CUBN: variants seen among roughly 807,000 people sequenced by gnomAD.
The protein encoded by CUBN is cubilin.
Under a neutral mutation model 405.3 loss-of-function variants are expected in CUBN, and 282 were observed. The ratio of observed to expected loss-of-function variants is 0.70; its 90% confidence interval spans 0.63 to 0.77. The LOEUF is 0.77. Among genes scored for constraint, CUBN ranks in the 30% least tolerant of loss-of-function variants. The probability of loss-of-function intolerance (pLI) is 0.00; values close to 1 mark genes in which losing one functional copy is unlikely to be tolerated. For missense variants in CUBN, 4,514 were observed against 4,475.2 expected (o/e 1.01, Z -0.25); for synonymous variants, 1,684 against 1,617.0 (o/e 1.04, Z -0.99).
intron 29 of CUBN, among the ~76,000 whole-genome samples, chr10:16,989,873 C>T (rs929270660): frequency 1.3e-5 from 2 of 152,228 alleles, no homozygotes; most frequent in Admixed American, 6.5e-5. Context: ...CTCTATGCTC[C>T]GCCACACGAA....
intron 38 of CUBN, among the ~76,000 whole-genome samples, chr10:16,938,663 G>T (rs1165412449): frequency 1.3e-5 from 2 of 151,972 alleles, no homozygotes; most frequent in Non-Finnish European, 2.9e-5. Flanking sequence ...AAACAAAGAG[G>T]ATAGTAGGAA....
In CUBN at chr10:17,088,303, G is replaced by C; in HGVS notation, c.1808C>G (p.Ser603Cys). The C allele has an allele frequency of 6.2e-7, 1 of 1,613,416 alleles. No individual in the cohort carries two copies. Among genetic ancestry groups the C allele is most frequent in the Non-Finnish European group, 8.5e-7 (1 of 1,179,438 alleles). ...GGGATAGTTTCCAGGATACCCCGGA[G>C]ACTTAATAGAACCGTAAGGACCAGT... Reference protein sequence around the residue: ...ILTGPYGSIKSPGYPGNYPPG... With the variant: ...ILTGPYGSIKCPGYPGNYPPG... The change falls in exon 15 of 67, where the codon TCT (serine) becomes TGT (cysteine). Residue 603 changes from serine (S) to cysteine (C), a missense_variant. This residue lies in a region of CUBN where 1,448 missense variants were observed against 1,388.0 expected (regional missense o/e 1.04). Coordinates refer to ENST00000377833, the MANE Select transcript of CUBN (RefSeq NM_001081.4).
rs769989357 is a variant in CUBN at position 16,984,136 on chromosome 10, G to A, written c.4494C>T (p.Gly1498=). 1.9e-5 allele frequency: 30 copies of A among 1,614,102 alleles called. 1 individual carries two copies. In the South Asian group the frequency reaches 3.0e-4, roughly 16 times the overall value. The change falls in exon 30 of 67, where the codon GGC becomes GGT. Residue 1498 remains glycine, a synonymous_variant. Transcript: ENST00000377833. Reference sequence around the variant, plus strand: ...TGACTGCTTGCCATGACGCATTGAAGCCTCTCCCATTTATGGACAAGTCGG... The same window carrying A: ...TGACTGCTTGCCATGACGCATTGAAACCTCTCCCATTTATGGACAAGTCGG... The part of the protein sequence containing the change: ...FKTDLSINGR[G]FNASWQAVTG...
chr10:16,912,257 A>G (rs1490566104), intron 48 of CUBN, among the ~76,000 whole-genome samples: 2 of 152,236 alleles, frequency 1.3e-5, no homozygotes, highest in East Asian at 3.8e-4. Context: ...GAAATTCACT[A>G]CCCAACAGGA....
chr10:16,892,538 C>G (rs1841064049), intron 54 of CUBN, among the ~76,000 whole-genome samples: 7 of 152,032 alleles, frequency 4.6e-5, no homozygotes, highest in Admixed American at 4.6e-4. Flanking sequence ...CTCACTCAGG[C>G]TGGAGCGCAG....
chr10:16,838,588 C>T (rs1187617780), intron 62 of CUBN, among the ~76,000 whole-genome samples: 3 of 152,224 alleles, frequency 2.0e-5, no homozygotes, highest in African/African-American at 7.2e-5. Flanking sequence ...ACTGTCTCCT[C>T]AACATCTTAT....
chr10:17,100,949 G>T (rs772241862), intron 13 of CUBN, among the ~76,000 whole-genome samples: 3 of 152,174 alleles, frequency 2.0e-5, no homozygotes, highest in Non-Finnish European at 2.9e-5. Flanking sequence ...GAATGGATTA[G>T]AATACAGACT....
intron 58 of CUBN, among the ~76,000 whole-genome samples, chr10:16,874,028 C>T (rs1034309536): frequency 1.2e-4 from 19 of 152,196 alleles, no homozygotes; most frequent in African/African-American, 4.1e-4. Flanking sequence ...AAATACCCAA[C>T]ACATGGCAAC....
At position 16,915,852 on chromosome 10, in the gene CUBN, G is replaced by A. The variant is rs1841867189; in HGVS notation, c.7179C>T (p.Asp2393=). ...TATGATTGTCCCAGATCTCCACGAA[G>A]TCTTTTTCACAGCCAGAAGAATTCT... is the stretch of plus-strand genomic sequence containing the variant. ...NLQNSSGCEK[D]FVEIWDNHTS... The change falls in exon 46 of 67, where the codon GAC becomes GAT. Residue 2393 remains aspartate, a synonymous_variant. Coordinates refer to ENST00000377833, the MANE Select transcript of CUBN (RefSeq NM_001081.4). 6.2e-6 allele frequency: 10 copies of A among 1,613,696 alleles called. No homozygotes were observed. Among genetic ancestry groups the A allele is most frequent in the Non-Finnish European group, 8.5e-6 (10 of 1,179,982 alleles).
rs186037066 is a variant in CUBN, at chr10:16,909,927, G to A, written c.7534-2248C>T. 4.1e-3 allele frequency among the ~76,000 whole-genome samples: 621 copies of A among 152,266 alleles called. 3 individuals carry two copies. Among genetic ancestry groups the A allele is most frequent in the Non-Finnish European group, 5.3e-3 (360 of 68,004 alleles). ...GTACAGAGAGTCAGATAGGCAGGTGGGTTTAGAGAAATTTTAGGCTCATTC... is the reference window on the plus strand; with the variant it reads ...GTACAGAGAGTCAGATAGGCAGGTGAGTTTAGAGAAATTTTAGGCTCATTC... On this transcript the variant is annotated intron_variant, in intron 48 of 66. Transcript: ENST00000377833.
intron 56 of CUBN, among the ~76,000 whole-genome samples, chr10:16,885,954 CTT>C (rs796553335): frequency 6.6e-6 from 1 of 152,324 alleles, no homozygotes; most frequent in African/African-American, 2.4e-5. Flanking sequence ...GGTGACAACT[CTT>C]AATGTACTGG....
intron 10 of CUBN, among the ~76,000 whole-genome samples, chr10:17,106,188 G>C (rs1481564663): frequency 1.3e-5 from 2 of 152,064 alleles, no homozygotes; most frequent in Non-Finnish European, 2.9e-5. Context: ...GGGAGGGTGA[G>C]GCAGGAGAAT....
intron 28 of CUBN, among the ~76,000 whole-genome samples, chr10:16,995,243 T>C (rs986284301): frequency 3.9e-5 from 6 of 152,220 alleles, no homozygotes; most frequent in African/African-American, 1.4e-4. Context: ...TTAATTGGCA[T>C]GTTAGATTGC....
At chr10:16,962,733 A>AG (rs1219081996) in intron 31 of CUBN, among the ~76,000 whole-genome samples, 11 of 152,088 alleles carry the variant, frequency 7.2e-5, no homozygotes, top group Admixed American at 6.5e-5. Flanking sequence ...CTCCGTGGAG[A>AG]GGCCTGTGTG....
chr10:16,858,153 AG>A lies in CUBN; in HGVS notation c.9455-6711del, dbSNP rs1839912874. 2.0e-5 allele frequency among the ~76,000 whole-genome samples: 3 copies of A among 152,200 alleles called. No individual in the cohort carries two copies. In the South Asian group the frequency reaches 6.2e-4, roughly 31 times the overall value. Reference sequence around the variant, plus strand: ...ATTACAAAATAATGAAATAAATAAAAGAAGGCCTAAATAAGTCTAGATACAT... The same window carrying A: ...ATTACAAAATAATGAAATAAATAAAAAAGGCCTAAATAAGTCTAGATACAT... On this transcript the variant is annotated intron_variant, in intron 59 of 66. Transcript: ENST00000377833.
chr10:16,907,987 C>G (rs1055357315), intron 48 of CUBN, among the ~76,000 whole-genome samples: 1 of 152,132 alleles, frequency 6.6e-6, no homozygotes, highest in Non-Finnish European at 1.5e-5. Flanking sequence ...AGGAGATGAG[C>G]CATTGTGCTT....
At chr10:17,085,145 C>G (rs375903100) in intron 16 of CUBN, among the ~76,000 whole-genome samples, 1 of 152,118 alleles carries the variant, frequency 6.6e-6, no homozygotes, top group East Asian at 1.9e-4. Context: ...AACTGAGGTC[C>G]TAACAGCTAA....
chr10:16,866,363 T>TA (rs1417884600), intron 59 of CUBN, among the ~76,000 whole-genome samples: 1 of 152,106 alleles, frequency 6.6e-6, no homozygotes, highest in Non-Finnish European at 1.5e-5. Context: ...TGGTTAAAAA[T>TA]ACGTTTGCAA....
intron 4 of CUBN, among the ~76,000 whole-genome samples, chr10:17,125,609 G>A (rs1179613728): frequency 6.6e-6 from 1 of 152,208 alleles, no homozygotes; most frequent in African/African-American, 2.4e-5. Flanking sequence ...GCCTACAGGG[G>A]CCTAGTAGAA....
Sources: allele counts gnomAD v4.1 joint callset (sites outside exome capture counted in the v4.1 genomes callset), GRCh38; gene constraint gnomAD v4.1.1; regional missense constraint gnomAD v4.1.1; transcripts MANE v1.5; gene names NCBI Gene and HGNC (gene_info 2026-07-23, HGNC 2026-07-21).